Variants in MTMR8 observed in about 807,000 individuals in gnomAD.
MTMR8 encodes the protein phosphatidylinositol-3,5-bisphosphate 3-phosphatase MTMR8.
A neutral mutation model predicts 39.3 loss-of-function variants in MTMR8; 65 were observed. That is an observed-to-expected ratio of 1.65 (90% CI 1.35 to 2.03). The LOEUF (loss-of-function observed/expected upper bound fraction) is 2.03. MTMR8 is among the 30% of genes most tolerant of loss of function. The pLI, the probability that MTMR8 is intolerant of heterozygous loss-of-function variation, is 0.00. For missense variants in MTMR8, 777 were observed against 538.9 expected, an observed-to-expected ratio of 1.44 and a Z score of -4.37; for synonymous variants, 245 against 185.2, an observed-to-expected ratio of 1.32 and a Z score of -2.62.
Position 64,268,822 on chromosome X carries a change from A to G in MTMR8, c.1830T>C (p.His610=). The change falls in exon 14 of 14, where the codon CAT becomes CAC. Residue 610 remains histidine (H), a synonymous_variant. Coordinates refer to ENST00000374852, the MANE Select transcript of MTMR8 (RefSeq NM_017677.4). ...GGCTGCCCACAATCTCACAACAGTTATGGTGGAGGTCTGCACCCTGGCTTT... is the reference window on the plus strand; with the variant it reads ...GGCTGCCCACAATCTCACAACAGTTGTGGTGGAGGTCTGCACCCTGGCTTT... ...QVKSQGADLH[H]NCCEIVGSLR... 8.3e-7 allele frequency: 1 copy of G among 1,211,637 alleles called. No homozygotes were observed. The highest frequency in any genetic ancestry group is 1.1e-6 in the Non-Finnish European group (1 of 895,506).
intron 6 of MTMR8, among the ~76,000 whole-genome samples, chrX:64,345,688 A>C (rs149826051): frequency 0.014 from 1,576 of 111,999 alleles, 34 homozygotes; most frequent in African/African-American, 0.047. Flanking sequence ...ACAAGGTTCA[A>C]TGCAGCCTTG....
intron 12 of MTMR8, among the ~76,000 whole-genome samples, chrX:64,317,187 G>A (rs889428233): frequency 1.8e-5 from 2 of 110,824 alleles, no homozygotes; most frequent in African/African-American, 6.6e-5. Flanking sequence ...CTTTATTTGG[G>A]GTTTATCCTG....
intron 1 of MTMR8, among the ~76,000 whole-genome samples, chrX:64,368,291 G>A (rs866824574): frequency 2.8e-4 from 31 of 111,574 alleles, no homozygotes; most frequent in African/African-American, 4.2e-4. Context: ...AAAAGAGCCC[G>A]CATTGCCAAG....
intron 1 of MTMR8, among the ~76,000 whole-genome samples, chrX:64,376,361 T>A (rs1924267304): frequency 8.9e-6 from 1 of 111,835 alleles, no homozygotes. Flanking sequence ...AAAATGTTGA[T>A]AGTGATATGG....
chrX:64,274,032 A>G (rs1174539560), intron 12 of MTMR8, among the ~76,000 whole-genome samples: 2 of 112,016 alleles, frequency 1.8e-5, no homozygotes, highest in African/African-American at 6.5e-5. Context: ...TCTACTTTCA[A>G]TTATGGATAG....
intron 12 of MTMR8, among the ~76,000 whole-genome samples, chrX:64,311,213 T>A (rs952881445): frequency 4.5e-4 from 50 of 112,084 alleles, no homozygotes; most frequent in Non-Finnish European, 9.0e-4. Flanking sequence ...TGAGATGGTA[T>A]CTCACTGTGG....
At chrX:64,300,673 G>C (rs1372039552) in intron 12 of MTMR8, among the ~76,000 whole-genome samples, 12 of 103,011 alleles carry the variant, frequency 1.2e-4, no homozygotes, top group Non-Finnish European at 2.2e-4. Context: ...TCCTAGTCTC[G>C]ATGGTCTTTA....
At chrX:64,356,368 A>G in intron 2 of MTMR8, 30 bp from the exon 3 acceptor site, 2 of 1,164,986 alleles carry the variant, frequency 1.7e-6, no homozygotes, top group Non-Finnish European at 2.3e-6. Flanking sequence ...CAGCGTAAAC[A>G]TACAGATGTG....
chrX:64,387,816 GAA>G (rs1924601775), intron 1 of MTMR8, among the ~76,000 whole-genome samples: 1 of 108,413 alleles, frequency 9.2e-6, no homozygotes, highest in African/African-American at 3.4e-5. Flanking sequence ...GGAGGAGAGA[GAA>G]GAAAAAGGAG....
At chrX:64,370,129 G>C (rs932091787) in intron 1 of MTMR8, among the ~76,000 whole-genome samples, 5 of 110,951 alleles carry the variant, frequency 4.5e-5, no homozygotes, top group African/African-American at 1.6e-4. Flanking sequence ...TAAGTACCAA[G>C]AATTGAGGAG....
Position 64,352,911 on chromosome X carries a change from G to A in MTMR8, c.468+1866C>T, listed in dbSNP as rs138761437. ...ATATATATATATGTTCCTTTCAAGC[G>A]TAAATACTCTTGTGGCTCACAACTG... On this transcript the variant is annotated intron_variant, in intron 4 of 13. Coordinates refer to ENST00000374852, the MANE Select transcript of MTMR8 (RefSeq NM_017677.4). Among the ~76,000 whole-genome samples the A allele has an allele frequency of 4.6e-3, 509 of 111,247 alleles. 4 individuals carry two copies. Among genetic ancestry groups the A allele is most frequent in the Non-Finnish European group, 8.2e-3 (433 of 53,061 alleles).
intron 12 of MTMR8, among the ~76,000 whole-genome samples, chrX:64,318,996 T>C (rs1441465002): frequency 8.9e-6 from 1 of 111,959 alleles, no homozygotes; most frequent in Non-Finnish European, 1.9e-5. Flanking sequence ...CTGGTTTTTA[T>C]ATCTTAAGGA....
At chrX:64,386,820 G>C (rs948013797) in intron 1 of MTMR8, among the ~76,000 whole-genome samples, 5 of 110,578 alleles carry the variant, frequency 4.5e-5, no homozygotes, top group African/African-American at 1.7e-4. Context: ...CAAGTAGGAG[G>C]ATTGCTTGGG....
At chrX:64,337,430 C>A (rs754180284) in intron 8 of MTMR8, 37 bp from the exon 9 acceptor site, 2 of 1,193,312 alleles carry the variant, frequency 1.7e-6, no homozygotes, top group Non-Finnish European at 1.1e-6. Flanking sequence ...CCACAAGCAA[C>A]CTTTGCACAG....
intron 4 of MTMR8, among the ~76,000 whole-genome samples, chrX:64,351,814 T>C (rs192740272): frequency 1.8e-5 from 2 of 111,134 alleles, no homozygotes; most frequent in Admixed American, 1.9e-4. Flanking sequence ...ATTCAGCAAG[T>C]CTGCTCATTC....
chrX:64,391,276 C>T (rs1025954527), intron 1 of MTMR8, among the ~76,000 whole-genome samples: 2 of 111,938 alleles, frequency 1.8e-5, no homozygotes, highest in Admixed American at 9.5e-5. Context: ...TGTGTTAAAA[C>T]ATTCCTTAAT....
At chrX:64,285,334 A>T (rs768612726) in intron 12 of MTMR8, among the ~76,000 whole-genome samples, 91 of 111,475 alleles carry the variant, frequency 8.2e-4, no homozygotes, top group African/African-American at 2.9e-3. Context: ...AAGTCCTTAG[A>T]GACCTATAAA....
At chrX:64,372,025 T>A (rs940360048) in intron 1 of MTMR8, among the ~76,000 whole-genome samples, 2 of 109,055 alleles carry the variant, frequency 1.8e-5, no homozygotes, top group Admixed American at 2.0e-4. Context: ...CATACCTACA[T>A]ACCTACATTG....
chrX:64,310,489 C>A (rs1922262351), intron 12 of MTMR8, among the ~76,000 whole-genome samples: 1 of 111,786 alleles, frequency 8.9e-6, no homozygotes, highest in African/African-American at 3.2e-5. Flanking sequence ...TCCCATAAAT[C>A]ATGAATATTC....
Sources: allele counts gnomAD v4.1 joint callset (sites outside exome capture counted in the v4.1 genomes callset), GRCh38; gene constraint gnomAD v4.1.1; transcripts MANE v1.5; gene names NCBI Gene and HGNC (gene_info 2026-07-23, HGNC 2026-07-21).